Variants in PIEZO2 observed in about 807,000 individuals in gnomAD.
The protein encoded by PIEZO2 is piezo-type mechanosensitive ion channel component 2.
PIEZO2 carries 172 observed loss-of-function variants against 337.3 expected under a neutral mutation model. The ratio of observed to expected loss-of-function variants is 0.51; its 90% confidence interval spans 0.45 to 0.58. PIEZO2 has a LOEUF of 0.58. Ranked by LOEUF, PIEZO2 falls within the 20% of genes least tolerant of loss-of-function variation. The pLI, the probability that PIEZO2 is intolerant of heterozygous loss-of-function variation, is 0.00. For synonymous variants in PIEZO2, 1,251 were observed against 1,228.5 expected (o/e 1.02, Z -0.38); for missense variants, 3,028 against 3,391.3 (o/e 0.89, Z 2.66).
chr18:10,817,798 CT>C (rs1400116290), intron 7 of PIEZO2, among the ~76,000 whole-genome samples: 4 of 151,832 alleles, frequency 2.6e-5, no homozygotes, highest in African/African-American at 9.7e-5. Context: ...TGGCAGGCGC[CT>C]GTAGTCCCAG....
rs1335733943 is a variant in PIEZO2, at chr18:10,724,949, G to A, written c.5029+6458C>T. 6.1e-5 allele frequency: 97 copies of A among 1,590,574 alleles called. No individual in the cohort carries two copies. Among genetic ancestry groups the A allele is most frequent in the Admixed American group, 1.2e-4 (7 of 59,008 alleles). The stretch of plus-strand genomic sequence containing the variant: ...GGACGGCGATGGAACCCAGGTGGGC[G>A]CACCCTGCGGCCTGCAGCCTCCCTG... On this transcript the variant is annotated intron_variant, in intron 36 of 55. Transcript: ENST00000674853. This position sits in a 1 kb window ranked among gnomAD's most constrained non-coding sequence, Gnocchi z 5.8.
chr18:10,699,162 C>A lies in PIEZO2; in HGVS notation c.6457G>T (p.Asp2153Tyr), dbSNP rs974077046. The change falls in exon 44 of 56, where the codon GAT becomes TAT. Residue 2153 changes from aspartate to tyrosine, a missense_variant. Coordinates refer to ENST00000674853, the MANE Select transcript of PIEZO2 (RefSeq NM_001378183.1). ...CCACTTTCAGTCATGTCATCTTCAT[C>A]CCATAAGCCATGGCACTGAGAAAGC... is the stretch of plus-strand genomic sequence containing the variant. ...RSILKCHGLW[D>Y]EDDMTESGMA... 2.0e-6 allele frequency: 3 copies of A among 1,537,092 alleles called. No homozygotes were observed. The highest frequency in any genetic ancestry group is 1.7e-4 in the Middle Eastern group (1 of 6,010).
chr18:10,860,196 A>G (rs755471354), intron 5 of PIEZO2, among the ~76,000 whole-genome samples: 4 of 152,134 alleles, frequency 2.6e-5, no homozygotes, highest in Non-Finnish European at 5.9e-5. Context: ...TCGCCAGCAT[A>G]TGATGGTTTA....
At chr18:10,786,945 A>G (rs1163661483) in intron 16 of PIEZO2, 91 bp downstream of exon 16, 3 of 1,245,352 alleles carry the variant, frequency 2.4e-6, no homozygotes, top group Non-Finnish European at 3.3e-6. Context: ...TGATGACATC[A>G]TGCTTTACTA....
Position 10,689,881 on chromosome 18 carries a change from T to A in PIEZO2, c.7350-79A>T, listed in dbSNP as rs1457664120. On this transcript the variant is annotated intron_variant, in intron 48 of 55. Coordinates refer to ENST00000674853, the MANE Select transcript of PIEZO2 (RefSeq NM_001378183.1). ...CTGCTCACCCAGGAGCTCAAGCAGT[T>A]CCTTAACTGCTTTAACCTCATGACT... The A allele has an allele frequency of 4.6e-6, 7 of 1,507,334 alleles. No homozygotes were observed. The African/African-American group carries it at 7.0e-5, about 15-fold the overall frequency. The allele number at this position is 1,507,334 out of a possible 1,614,324, so 93.4% of individuals were successfully genotyped here. A position where few individuals can be genotyped will look rare whatever the true frequency, so the allele number is the denominator to read the frequency against.
In PIEZO2 at chr18:10,795,353, T is replaced by TTC. The variant is rs2039551622; in HGVS notation, c.1528-352_1528-351insGA. On this transcript the variant is annotated intron_variant, in intron 12 of 55. Transcript: ENST00000674853. This position sits in a 1 kb window ranked among gnomAD's most constrained non-coding sequence, Gnocchi z 4.4. ...TTTATTTTATTTTATTTTATTTTAT[T>TTC]ATTTTATTTTATTTTATTTTATTTT... is the stretch of plus-strand genomic sequence containing the variant. Among the ~76,000 whole-genome samples the TTC allele has an allele frequency of 1.5e-4, 4 of 27,352 alleles. No individual in the cohort carries two copies. Among genetic ancestry groups the TTC allele is most frequent in the Admixed American group, 4.2e-4 (1 of 2,398 alleles). 17.9% of individuals were successfully genotyped at this position (27,352 alleles called of 152,430 possible). A position where few individuals can be genotyped will look rare whatever the true frequency, so the allele number is the denominator to read the frequency against.
intron 2 of PIEZO2, among the ~76,000 whole-genome samples, chr18:11,022,647 A>G (rs1231658539): frequency 6.6e-6 from 1 of 152,164 alleles, no homozygotes; most frequent in Admixed American, 6.5e-5. Flanking sequence ...CACCTCTTTA[A>G]AGGCCCTGTC....
intron 5 of PIEZO2, among the ~76,000 whole-genome samples, chr18:10,865,943 A>C (rs1166355213): frequency 2.0e-5 from 3 of 152,228 alleles, no homozygotes; most frequent in Non-Finnish European, 2.9e-5. Flanking sequence ...ATTCAAATGC[A>C]TGAAATCACC....
intron 15 of PIEZO2, among the ~76,000 whole-genome samples, chr18:10,788,020 C>T (rs1055747868): frequency 6.6e-6 from 1 of 152,132 alleles, no homozygotes; most frequent in African/African-American, 2.4e-5. Flanking sequence ...CTTTTTCTGA[C>T]CCTAAAGCCT....
chr18:10,812,565 GGACATCGC>G (rs1289836768), intron 7 of PIEZO2, among the ~76,000 whole-genome samples: 4 of 152,134 alleles, frequency 2.6e-5, no homozygotes, highest in Non-Finnish European at 5.9e-5. Flanking sequence ...TGATGAAAGA[GGACATCGC>G]GACATCAGGA....
intron 2 of PIEZO2, among the ~76,000 whole-genome samples, chr18:11,062,480 A>G (rs1390905348): frequency 2.0e-5 from 3 of 152,232 alleles, no homozygotes; most frequent in African/African-American, 4.8e-5. Flanking sequence ...GCAACCTACA[A>G]AATGGGAGAA....
Position 11,096,001 on chromosome 18 carries a change from A to T in PIEZO2, c.65-29779T>A, listed in dbSNP as rs879871912. Among the ~76,000 whole-genome samples the T allele has an allele frequency of 6.6e-6, 1 of 152,106 alleles. No individual in the cohort carries two copies. The highest frequency in any genetic ancestry group is 6.5e-5 in the Admixed American group (1 of 15,274). The stretch of plus-strand genomic sequence containing the variant: ...CTTCTTCCAAATTCAACACTGAAAA[A>T]CCTTTCTTGTGTGTGTGCCCAAGGA... On this transcript the variant is annotated intron_variant, in intron 1 of 55. Transcript: ENST00000674853. This position sits in a 1 kb window ranked among gnomAD's most constrained non-coding sequence, Gnocchi z 4.6.
chr18:10,852,311 A>G (rs2144675322), intron 7 of PIEZO2, among the ~76,000 whole-genome samples: 1 of 152,290 alleles, frequency 6.6e-6, no homozygotes, highest in Middle Eastern at 3.4e-3. Context: ...AACTGAGCCA[A>G]CTGGATTTAG....
intron 1 of PIEZO2, among the ~76,000 whole-genome samples, chr18:11,090,047 G>A (rs2039027113): frequency 6.6e-6 from 1 of 152,214 alleles, no homozygotes; most frequent in Admixed American, 6.5e-5. Flanking sequence ...TGAGAGAAGG[G>A]TAGGAAGGGA....
rs2041943055 is a variant in PIEZO2, at chr18:10,863,996, T to C, written c.493-6785A>G. Among the ~76,000 whole-genome samples the C allele has an allele frequency of 6.6e-6, 1 of 152,164 alleles. No individual in the cohort carries two copies. Among genetic ancestry groups the C allele is most frequent in the Admixed American group, 6.5e-5 (1 of 15,286 alleles). On this transcript the variant is annotated intron_variant, in intron 5 of 55. Coordinates refer to ENST00000674853, the MANE Select transcript of PIEZO2 (RefSeq NM_001378183.1). This position sits in a 1 kb window ranked among gnomAD's most constrained non-coding sequence, Gnocchi z 4.3. Reference sequence around the variant, plus strand: ...TGTAGCTGTTCTAAATGATTCACCCTGGTATTCACTCCAAAAATAAAAAAT... The same window carrying C: ...TGTAGCTGTTCTAAATGATTCACCCCGGTATTCACTCCAAAAATAAAAAAT...
At chr18:11,086,871 G>A (rs183965281) in intron 1 of PIEZO2, among the ~76,000 whole-genome samples, 270 of 152,138 alleles carry the variant, frequency 1.8e-3, no homozygotes, top group Non-Finnish European at 3.2e-3. Flanking sequence ...AAAACAAAAT[G>A]CCTGTCATGT....
intron 7 of PIEZO2, among the ~76,000 whole-genome samples, chr18:10,809,214 A>G (rs9973179): frequency 0.78 from 116,268 of 148,584 alleles, 45,528 homozygotes; most frequent in East Asian, 0.93. Flanking sequence ...TTTTTTAATC[A>G]AGCTATGCAA....
At chr18:10,840,187 G>A (rs1294144691) in intron 7 of PIEZO2, among the ~76,000 whole-genome samples, 2 of 152,098 alleles carry the variant, frequency 1.3e-5, no homozygotes, top group South Asian at 2.1e-4. Flanking sequence ...CTCAAAGTGA[G>A]TTTAGAGAAA....
chr18:10,981,165 A>G (rs1461093485), intron 2 of PIEZO2, among the ~76,000 whole-genome samples: 1 of 152,086 alleles, frequency 6.6e-6, no homozygotes, highest in Non-Finnish European at 1.5e-5. Context: ...TATATATTAT[A>G]TATTAATAAA....
Sources: gnomAD v4.1 joint callset for allele counts (sites outside exome capture counted in the v4.1 genomes callset) on GRCh38, gnomAD v4.1.1 for gene constraint, Gnocchi (gnomAD v3.1) non-coding constraint, MANE v1.5 for transcripts, NCBI Gene and HGNC (gene_info 2026-07-23, HGNC 2026-07-21) for gene names.